The following DERPC variants were observed in gnomAD, a reference collection of about 807,000 sequenced individuals.
DERPC encodes DERPC proline and glycine rich nuclear protein.
In DERPC, 1 loss-of-function variant was observed where a neutral mutation model predicts 7.2. That is an observed-to-expected ratio of 0.14 (90% CI 0.05 to 0.66). DERPC has a LOEUF of 0.66. Among genes scored for constraint, DERPC ranks in the 30% least tolerant of loss-of-function variants. The pLI is 0.84. For missense variants in DERPC, 502 were observed against 299.4 expected, an observed-to-expected ratio of 1.68 and a Z score of -4.99; for synonymous variants, 185 against 117.6, an observed-to-expected ratio of 1.57 and a Z score of -3.71.
In DERPC at chr16:69,120,647, T is replaced by G; in HGVS notation, c.-219A>C. 1 of 1,605,162 alleles carries G rather than the reference T, an allele frequency of 6.2e-7. No individual in the cohort carries two copies. The highest frequency in any genetic ancestry group is 8.5e-7 in the Non-Finnish European group (1 of 1,172,852). On this transcript the variant is annotated splice_region_variant and 5_prime_UTR_variant, in exon 3 of 3. Coordinates refer to ENST00000519520, the MANE Select transcript of DERPC (RefSeq NM_001002847.4). This position sits in a 1 kb window ranked among gnomAD's most constrained non-coding sequence, Gnocchi z 4.0. ...GATGCCCCACGATCAGCACAGGGAT[T>G]CCCTTTGGCAGAACAAGAACGAGAT...
Position 69,120,945 on chromosome 16 carries a change from G to A in DERPC, c.-221-296C>T, listed in dbSNP as rs1427038278. On this transcript the variant is annotated intron_variant, in intron 2 of 2. Coordinates refer to ENST00000519520, the MANE Select transcript of DERPC (RefSeq NM_001002847.4). The surrounding 1 kb of genome is among the most constrained non-coding windows in gnomAD (Gnocchi z 4.0). ...GCAGAGAGCATCGCAGATTAGCTAG[G>A]CCTTGAATAACAAACCTGAGGCAGT... 1.1e-6 allele frequency: 1 copy of A among 919,642 alleles called. No homozygotes were observed. The highest frequency in any genetic ancestry group is 1.8e-6 in the Non-Finnish European group (1 of 545,892). 57.0% of individuals were successfully genotyped at this position (919,642 alleles called of 1,614,324 possible). A position where few individuals can be genotyped will look rare whatever the true frequency, so the allele number is the denominator to read the frequency against.
At chr16:69,126,285 T>G (rs1962050458) in intron 1 of DERPC, among the ~76,000 whole-genome samples, 1 of 152,150 alleles carries the variant, frequency 6.6e-6, no homozygotes, top group Admixed American at 6.5e-5. Flanking sequence ...TTGAGAAAAA[T>G]GCCGAAATAT....
intron 1 of DERPC, among the ~76,000 whole-genome samples, chr16:69,128,255 G>GACTAAC (rs1306279635): frequency 6.6e-6 from 1 of 152,136 alleles, no homozygotes; most frequent in African/African-American, 2.4e-5. Context: ...ATTTGGCTAG[G>GACTAAC]ACTAACATGT....
intron 1 of DERPC, among the ~76,000 whole-genome samples, chr16:69,123,942 A>AAC (rs1555534035): frequency 1.2e-3 from 178 of 146,780 alleles, no homozygotes; most frequent in East Asian, 5.3e-3. Flanking sequence ...AAAAAAAAAA[A>AAC]AAAAACAAAA....
At chr16:69,121,244 G>A (rs901315935) in intron 2 of DERPC, 192 bp downstream of exon 2, 50 of 1,417,820 alleles carry the variant, frequency 3.5e-5, no homozygotes, top group Non-Finnish European at 4.9e-5. Context: ...ACCACCATTT[G>A]AGGCCCAAAG....
intron 1 of DERPC, among the ~76,000 whole-genome samples, chr16:69,129,128 C>G (rs1300272053): frequency 4.6e-5 from 7 of 151,402 alleles, no homozygotes; most frequent in African/African-American, 1.7e-4. Flanking sequence ...ACCATGATTT[C>G]TTAAGAAAAG....
In DERPC at chr16:69,119,306, A is replaced by G. The variant is rs1961431359; in HGVS notation, c.1123T>C (p.Ser375Pro). The part of the protein sequence containing the change: ...GAGSSAFSQS[S>P]GTLASNPATF... The stretch of plus-strand genomic sequence containing the variant: ...GCTGGGTTTGATGCCAATGTGCCAG[A>G]AGACTGAGAAAAGGCAGATGAACCT... Residue 375 changes from serine (S) to proline (P), a missense_variant, in exon 3 of 3, where the codon TCT (serine) becomes CCT (proline). Ser to Pro is a moderately conservative substitution (Grantham distance 74, BLOSUM62 -1). Coordinates refer to ENST00000519520, the MANE Select transcript of DERPC (RefSeq NM_001002847.4). 2 of 702,974 alleles carry G rather than the reference A, an allele frequency of 2.8e-6. No homozygotes were observed. The highest frequency in any genetic ancestry group is 3.5e-5 in the African/African-American group (2 of 57,266). The allele number at this position is 702,974 out of a possible 1,614,324, so 43.5% of individuals were successfully genotyped here.
intron 1 of DERPC, among the ~76,000 whole-genome samples, chr16:69,123,942 A>AAAAAAC (rs1567591179): frequency 8.2e-5 from 12 of 146,686 alleles, no homozygotes; most frequent in East Asian, 2.0e-4. Context: ...AAAAAAAAAA[A>AAAAAAC]AAAAACAAAA....
Position 69,120,614 on chromosome 16 carries a change from C to T in DERPC, c.-186G>A. ...TCTCCAGGTGGATGATTTTCCCATA[C>T]AGGATATGATGCCCCACGATCAGCA... On this transcript the variant is annotated 5_prime_UTR_variant, in exon 3 of 3. Transcript: ENST00000519520. The surrounding 1 kb of genome is among the most constrained non-coding windows in gnomAD (Gnocchi z 4.0). The T allele has an allele frequency of 6.2e-7, 1 of 1,613,740 alleles. No homozygotes were observed. The highest frequency in any genetic ancestry group is 8.5e-7 in the Non-Finnish European group (1 of 1,179,702).
In DERPC at chr16:69,120,758, G is replaced by A. The variant is rs1282037237; in HGVS notation, c.-221-109C>T. Reference sequence around the variant, plus strand: ...GCTATGCTGGCACCTCCAATCCCTGGTCTGGCTCTGCCATTGTTGAGCAGC... The same window carrying A: ...GCTATGCTGGCACCTCCAATCCCTGATCTGGCTCTGCCATTGTTGAGCAGC... On this transcript the variant is annotated intron_variant, in intron 2 of 2. Coordinates refer to ENST00000519520, the MANE Select transcript of DERPC (RefSeq NM_001002847.4). This position sits in a 1 kb window ranked among gnomAD's most constrained non-coding sequence, Gnocchi z 4.0. The A allele has an allele frequency of 3.1e-6, 3 of 954,794 alleles. No individual in the cohort carries two copies. The highest frequency in any genetic ancestry group is 4.8e-6 in the Non-Finnish European group (3 of 622,020). 59.1% of individuals were successfully genotyped at this position (954,794 alleles called of 1,614,324 possible). A position where few individuals can be genotyped will look rare whatever the true frequency, so the allele number is the denominator to read the frequency against.
At chr16:69,121,325 CA>C in intron 2 of DERPC, 110 bp downstream of exon 2, 1 of 1,225,712 alleles carries the variant, frequency 8.2e-7, no homozygotes, top group African/African-American at 1.5e-5. Flanking sequence ...GATCAGAATG[CA>C]AGGATTTGTA....
In DERPC at chr16:69,121,109, G is replaced by A. The variant is rs375808540; in HGVS notation, c.-222+327C>T. ...TTTCCAGCTAATCCAGTGCTGTAGC[G>A]AGCCTCGATCTCCCCCTGTAGCTCC... is the stretch of plus-strand genomic sequence containing the variant. On this transcript the variant is annotated intron_variant, in intron 2 of 2. Transcript: ENST00000519520. 3.2e-5 allele frequency: 52 copies of A among 1,613,736 alleles called. No individual in the cohort carries two copies. The highest frequency in any genetic ancestry group is 8.8e-5 in the South Asian group (8 of 91,060).
rs150107974 is a variant in DERPC, at chr16:69,120,198, G to A, written c.231C>T (p.Gly77=). The change falls in exon 3 of 3, where the codon GGC becomes GGT. Residue 77 remains glycine, a synonymous_variant. Coordinates refer to ENST00000519520, the MANE Select transcript of DERPC (RefSeq NM_001002847.4). The surrounding 1 kb of genome is among the most constrained non-coding windows in gnomAD (Gnocchi z 4.0). ...RNPSPFPASS[G]SLASNPAPFP... ...AAGGTGCTGGATTTGAAGCCAATGA[G>A]CCTGATGAAGCTGGAAAAGGAGATG... The A allele has an allele frequency of 5.7e-3, 4,007 of 702,322 alleles. 109 individuals carry two copies. The African/African-American group carries it at 0.061, about 11-fold the overall frequency. The allele number at this position is 702,322 out of a possible 1,614,324, so 43.5% of individuals were successfully genotyped here.
At chr16:69,121,536 A>T in intron 1 of DERPC, 43 bp from the exon 2 acceptor site, 1 of 1,204,326 alleles carries the variant, frequency 8.3e-7, no homozygotes, top group Non-Finnish European at 1.2e-6. Context: ...AACAACAACA[A>T]CTAATAATGA....
At chr16:69,130,814 C>G (rs1180069896) in intron 1 of DERPC, among the ~76,000 whole-genome samples, 2 of 152,172 alleles carry the variant, frequency 1.3e-5, no homozygotes, top group Non-Finnish European at 2.9e-5. Flanking sequence ...CTAAAGCATT[C>G]TACGAAAGCA....
In DERPC at chr16:69,119,927, C is replaced by T. The variant is rs758229896; in HGVS notation, c.502G>A (p.Gly168Ser). 1.1e-5 allele frequency: 8 copies of T among 702,530 alleles called. No homozygotes were observed. Among genetic ancestry groups the T allele is most frequent in the Non-Finnish European group, 2.1e-5 (8 of 384,884 alleles). 43.5% of individuals were successfully genotyped at this position (702,530 alleles called of 1,614,324 possible). Residue 168 changes from glycine to serine, a missense_variant, in exon 3 of 3, where the codon GGT becomes AGT. Gly to Ser is a moderately conservative substitution (Grantham distance 56, BLOSUM62 0). Transcript: ENST00000519520. ...GGACCACCACCTCTGGGGTCAGGAC[C>T]TGCTCCCAGGAGACCACCTGCCCTT... Reference protein sequence around the residue: ...NPRAGGLLGAGPDPRGGGPMG... With the variant: ...NPRAGGLLGASPDPRGGGPMG...
At chr16:69,131,751 T>C (rs1406608677) in intron 1 of DERPC, among the ~76,000 whole-genome samples, 3 of 151,752 alleles carry the variant, frequency 2.0e-5, no homozygotes, top group African/African-American at 7.3e-5. Context: ...GATTACTCTT[T>C]AAACGTCCTT....
rs1389288092 is a variant in DERPC, at chr16:69,120,586, GT to G, written c.-159del. The G allele has an allele frequency of 1.2e-5, 19 of 1,613,894 alleles. No homozygotes were observed. The highest frequency in any genetic ancestry group is 1.6e-5 in the Non-Finnish European group (19 of 1,179,978). ...GTGTGTTTGACAAGGACTGCAAAAGGTTTCTCCAGGTGGATGATTTTCCCAT... is the reference window on the plus strand; with the variant it reads ...GTGTGTTTGACAAGGACTGCAAAAGGTTCTCCAGGTGGATGATTTTCCCAT... On this transcript the variant is annotated 5_prime_UTR_variant, in exon 3 of 3. The change creates a premature stop within an existing upstream ORF in the 5' untranslated region. Transcript: ENST00000519520. The surrounding 1 kb of genome is among the most constrained non-coding windows in gnomAD (Gnocchi z 4.0).
At position 69,121,671 on chromosome 16, in the gene DERPC, G is replaced by GT. The variant is rs893564251; in HGVS notation, c.-279-179dup. Among the ~76,000 whole-genome samples the GT allele has an allele frequency of 6.9e-3, 969 of 141,236 alleles. 2 individuals are homozygous for GT. The highest frequency in any genetic ancestry group is 0.018 in the Middle Eastern group (5 of 278). The allele number at this position is 141,236 out of a possible 152,430, so 92.7% of individuals were successfully genotyped here. On this transcript the variant is annotated intron_variant, in intron 1 of 2. Transcript: ENST00000519520. ...TTTTTGTATTTTTAGTAGAGATGGG[G>GT]TTTTTTTTTTTTTTGAGACGGAGTC...
Sources: gnomAD v4.1 joint callset for allele counts (sites outside exome capture counted in the v4.1 genomes callset) on GRCh38, gnomAD v4.1.1 for gene constraint, Gnocchi (gnomAD v3.1) non-coding constraint, MANE v1.5 for transcripts, NCBI Gene and HGNC (gene_info 2026-07-23, HGNC 2026-07-21) for gene names.